The following DCAF10 variants were observed in gnomAD, a reference collection of about 807,000 sequenced individuals.
DCAF10 encodes DDB1 and CUL4 associated factor 10, also known as DDB1- and CUL4-associated factor 10.
A neutral mutation model predicts 51.9 loss-of-function variants in DCAF10; 19 were observed. That is an observed-to-expected ratio of 0.37 (90% CI 0.26 to 0.54). The LOEUF is 0.54. Ranked by LOEUF, DCAF10 falls within the 20% of genes least tolerant of loss-of-function variation. The pLI, the probability that DCAF10 is intolerant of heterozygous loss-of-function variation, is 0.87. For missense variants in DCAF10, 510 were observed against 730.6 expected, an observed-to-expected ratio of 0.70 and a Z score of 3.48; for synonymous variants, 291 against 297.1, an observed-to-expected ratio of 0.98 and a Z score of 0.21.
upstream of DCAF10, chr9:37,800,753 G>A (rs1828892281): frequency 2.0e-6 from 3 of 1,532,994 alleles, no homozygotes; most frequent in Admixed American, 2.0e-5. Flanking sequence ...GGGCGGCGCG[G>A]GTTTCCAGCC....
intron 1 of DCAF10, among the ~76,000 whole-genome samples, chr9:37,812,857 T>C (rs763517352): frequency 1.2e-4 from 18 of 151,886 alleles, no homozygotes; most frequent in Non-Finnish European, 2.1e-4. Context: ...CTGGGAATGG[T>C]ATAAAACATG....
intron 1 of DCAF10, among the ~76,000 whole-genome samples, chr9:37,804,515 G>A (rs533750046): frequency 4.6e-5 from 7 of 152,140 alleles, no homozygotes; most frequent in East Asian, 1.9e-4. Context: ...GGTGGCTCAC[G>A]CCTGTAATCC....
intron 2 of DCAF10, among the ~76,000 whole-genome samples, chr9:37,832,830 A>G (rs969958369): frequency 1.3e-5 from 2 of 152,182 alleles, no homozygotes; most frequent in African/African-American, 4.8e-5. Context: ...AGGCCCTTGA[A>G]TATTTATACA....
chr9:37,855,571 A>T (rs1023253523), intron 4 of DCAF10, among the ~76,000 whole-genome samples: 1 of 152,256 alleles, frequency 6.6e-6, no homozygotes. Context: ...TGATTTAAAA[A>T]AGACTATATT....
At chr9:37,832,951 C>T (rs557215439) in intron 2 of DCAF10, among the ~76,000 whole-genome samples, 156 of 152,208 alleles carry the variant, frequency 1.0e-3, no homozygotes, top group Middle Eastern at 6.8e-3. Context: ...TGCAGTGGCA[C>T]GATCATTGCT....
intron 2 of DCAF10, among the ~76,000 whole-genome samples, chr9:37,823,089 C>T (rs1374886754): frequency 1.3e-5 from 2 of 152,090 alleles, no homozygotes; most frequent in African/African-American, 4.8e-5. Flanking sequence ...ACTTAAAATT[C>T]ACACAGAACA....
intron 2 of DCAF10, among the ~76,000 whole-genome samples, chr9:37,823,171 T>C (rs1413210006): frequency 1.3e-5 from 2 of 152,198 alleles, no homozygotes; most frequent in African/African-American, 2.4e-5. Context: ...TGTATAGTTA[T>C]AGAAAAATAT....
intron 2 of DCAF10, among the ~76,000 whole-genome samples, chr9:37,838,791 TG>T (rs1266980726): frequency 1.3e-5 from 2 of 151,416 alleles, no homozygotes; most frequent in Non-Finnish European, 2.9e-5. Flanking sequence ...CTCTGGAGGC[TG>T]AGGCATGAGA....
intron 2 of DCAF10, among the ~76,000 whole-genome samples, chr9:37,841,816 CACTT>C (rs1830345335): frequency 6.6e-6 from 1 of 152,264 alleles, no homozygotes; most frequent in South Asian, 2.1e-4. Context: ...GTTTTCCAAA[CACTT>C]ACCCCTATTT....
At chr9:37,824,304 A>C (rs556581326) in intron 2 of DCAF10, among the ~76,000 whole-genome samples, 22 of 152,204 alleles carry the variant, frequency 1.4e-4, no homozygotes, top group Non-Finnish European at 2.8e-4. Flanking sequence ...GATTGTATGC[A>C]CGGGGGAGTT....
At chr9:37,802,194 A>G (rs1828973491) in intron 1 of DCAF10, among the ~76,000 whole-genome samples, 2 of 152,214 alleles carry the variant, frequency 1.3e-5, no homozygotes, top group Admixed American at 1.3e-4. Flanking sequence ...CATTCGGCGT[A>G]TATTTGTTGA....
chr9:37,837,171 G>T (rs879327295), intron 2 of DCAF10, among the ~76,000 whole-genome samples: 2 of 152,066 alleles, frequency 1.3e-5, no homozygotes, highest in Non-Finnish European at 2.9e-5. Flanking sequence ...TGAAAATTGC[G>T]CAAAGCAGGC....
chr9:37,836,368 T>C, intron 2 of DCAF10: 1 of 1,610,648 alleles, frequency 6.2e-7, no homozygotes, highest in South Asian at 1.1e-5. Flanking sequence ...TGGGAAACAC[T>C]ATCAGAAGAA....
Position 37,861,121 on chromosome 9 carries a change from CT to C in DCAF10, c.1312-18del. ...TTTGGGCTCTGTAACCTTGGTTTGTCTCCCTTCTCTCCCCCTAGTGTACTTG... is the reference window on the plus strand; with the variant it reads ...TTTGGGCTCTGTAACCTTGGTTTGTCCCCTTCTCTCCCCCTAGTGTACTTG... On this transcript the variant is annotated intron_variant, in intron 6 of 6. Transcript: ENST00000377724. This position sits in a 1 kb window ranked among gnomAD's most constrained non-coding sequence, Gnocchi z 4.9. 1 of 1,584,514 alleles carries C rather than the reference CT, an allele frequency of 6.3e-7. No individual in the cohort carries two copies. Among genetic ancestry groups the C allele is most frequent in the Middle Eastern group, 1.8e-4 (1 of 5,430 alleles).
chr9:37,831,224 AAG>A (rs1829999440), intron 2 of DCAF10, among the ~76,000 whole-genome samples: 1 of 152,126 alleles, frequency 6.6e-6, no homozygotes, highest in African/African-American at 2.4e-5. Context: ...CTCAAAAAAA[AAG>A]AAAGTTTTGA....
chr9:37,855,899 C>T (rs1399796896), intron 4 of DCAF10, among the ~76,000 whole-genome samples: 1 of 152,118 alleles, frequency 6.6e-6, no homozygotes, highest in Non-Finnish European at 1.5e-5. Context: ...GTTTGTAATC[C>T]TAGCACTTTG....
intron 2 of DCAF10, among the ~76,000 whole-genome samples, chr9:37,827,290 G>A (rs1410899763): frequency 6.6e-6 from 1 of 152,050 alleles, no homozygotes; most frequent in African/African-American, 2.4e-5. Context: ...TGCACAGATT[G>A]GTGATGAAAA....
intron 3 of DCAF10, among the ~76,000 whole-genome samples, chr9:37,849,816 G>A (rs1407490583): frequency 6.6e-6 from 1 of 152,016 alleles, no homozygotes; most frequent in Non-Finnish European, 1.5e-5. Context: ...GGAGGCGGAG[G>A]TTGCAGTGAG....
chr9:37,818,104 T>C (rs543944325), intron 1 of DCAF10, among the ~76,000 whole-genome samples: 1 of 152,246 alleles, frequency 6.6e-6, no homozygotes, highest in East Asian at 1.9e-4. Flanking sequence ...GCGATTCTCC[T>C]GCCTCAGCCT....
Sources: gnomAD v4.1 joint callset for allele counts (sites outside exome capture counted in the v4.1 genomes callset) on GRCh38, gnomAD v4.1.1 for gene constraint, Gnocchi (gnomAD v3.1) non-coding constraint, MANE v1.5 for transcripts, NCBI Gene and HGNC (gene_info 2026-07-23, HGNC 2026-07-21) for gene names.